Variants in GMDS observed in about 807,000 individuals in gnomAD.
The protein encoded by GMDS is GDP-mannose 4,6 dehydratase.
In GMDS, 20 loss-of-function variants were observed where a neutral mutation model predicts 49.9. The ratio of observed to expected loss-of-function variants is 0.40; its 90% CI spans 0.28 to 0.58. GMDS has a LOEUF of 0.58. Ranked by LOEUF, GMDS falls within the 20% of genes least tolerant of loss-of-function variation. The pLI is 0.42. For missense variants in GMDS, 362 were observed against 481.4 expected (o/e 0.75, Z 2.32); for synonymous variants, 177 against 178.6 (o/e 0.99, Z 0.07).
intron 9 of GMDS, among the ~76,000 whole-genome samples, chr6:1,688,814 A>T (rs181692522): frequency 6.6e-6 from 1 of 152,334 alleles, no homozygotes; most frequent in Non-Finnish European, 1.5e-5. Flanking sequence ...AATTGACAGC[A>T]TCTGTTTGAG....
At chr6:1,995,586 A>T (rs1302130338) in intron 4 of GMDS, among the ~76,000 whole-genome samples, 1 of 152,206 alleles carries the variant, frequency 6.6e-6, no homozygotes, top group African/African-American at 2.4e-5. Flanking sequence ...TCCTGCACTT[A>T]GGGAGATAAA....
At chr6:1,745,784 G>A (rs1031241091) in intron 7 of GMDS, among the ~76,000 whole-genome samples, 3 of 152,220 alleles carry the variant, frequency 2.0e-5, no homozygotes, top group Admixed American at 6.5e-5. Context: ...TTTCAACAGA[G>A]GGATAGGGCT....
At chr6:1,961,352 A>G (rs1394663089) in intron 4 of GMDS, among the ~76,000 whole-genome samples, 1 of 152,174 alleles carries the variant, frequency 6.6e-6, no homozygotes, top group African/African-American at 2.4e-5. Context: ...ATTTTTAATG[A>G]GCCCCAGTTG....
intron 7 of GMDS, among the ~76,000 whole-genome samples, chr6:1,850,173 A>T (rs1757595889): frequency 6.6e-6 from 1 of 152,092 alleles, no homozygotes; most frequent in Non-Finnish European, 1.5e-5. Context: ...AGATGGCCAA[A>T]CTCCTGAACA....
At chr6:1,655,958 C>T (rs1230626227) in intron 9 of GMDS, among the ~76,000 whole-genome samples, 5 of 152,164 alleles carry the variant, frequency 3.3e-5, no homozygotes, top group Non-Finnish European at 5.9e-5. Flanking sequence ...TGTGATGTCA[C>T]GCACACCCCA....
intron 4 of GMDS, among the ~76,000 whole-genome samples, chr6:2,056,104 T>TCTA (rs1460329047): frequency 6.6e-6 from 1 of 152,152 alleles, no homozygotes; most frequent in Admixed American, 6.5e-5. Flanking sequence ...ACCAAAACAT[T>TCTA]CTACTGCTTG....
chr6:2,106,154 C>T (rs749041389), intron 4 of GMDS, among the ~76,000 whole-genome samples: 75 of 152,266 alleles, frequency 4.9e-4, no homozygotes, highest in Middle Eastern at 3.4e-3. Flanking sequence ...CACTCATCTT[C>T]GATCTTAGAC....
chr6:2,147,632 T>G (rs1478964523), intron 1 of GMDS, among the ~76,000 whole-genome samples: 1 of 151,562 alleles, frequency 6.6e-6, no homozygotes, highest in East Asian at 1.9e-4. Flanking sequence ...ATTTATCAAT[T>G]TATCCCTCCC....
intron 1 of GMDS, among the ~76,000 whole-genome samples, chr6:2,158,785 T>C (rs1464707237): frequency 6.6e-6 from 1 of 152,258 alleles, no homozygotes; most frequent in African/African-American, 2.4e-5. Context: ...ATGGATGCGC[T>C]GACTATGGCC....
intron 4 of GMDS, among the ~76,000 whole-genome samples, chr6:2,047,006 G>T (rs906797036): frequency 6.6e-6 from 1 of 152,112 alleles, no homozygotes; most frequent in Admixed American, 6.5e-5. Context: ...TCATGAATTT[G>T]TGCAGCACAG....
intron 4 of GMDS, among the ~76,000 whole-genome samples, chr6:2,113,389 A>G (rs753505191): frequency 2.6e-5 from 4 of 151,824 alleles, no homozygotes; most frequent in Non-Finnish European, 5.9e-5. Flanking sequence ...ATCACTGAAT[A>G]TATCTTCCCC....
intron 4 of GMDS, among the ~76,000 whole-genome samples, chr6:2,044,733 T>A (rs1769898083): frequency 6.6e-6 from 1 of 152,214 alleles, no homozygotes; most frequent in African/African-American, 2.4e-5. Context: ...AAAATGTTTT[T>A]AAGTACAGCA....
At chr6:1,688,160 C>T (rs1016395843) in intron 9 of GMDS, among the ~76,000 whole-genome samples, 1 of 152,048 alleles carries the variant, frequency 6.6e-6, no homozygotes, top group African/African-American at 2.4e-5. Flanking sequence ...GTGAACCGTT[C>T]GCTGATGGAT....
chr6:1,667,858 A>C (rs1222048838), intron 9 of GMDS, among the ~76,000 whole-genome samples: 2 of 151,990 alleles, frequency 1.3e-5, no homozygotes, highest in African/African-American at 4.8e-5. Context: ...TGGACATTTT[A>C]AGAGGAATTG....
chr6:1,816,372 C>G (rs1337276406), intron 7 of GMDS, among the ~76,000 whole-genome samples: 1 of 152,130 alleles, frequency 6.6e-6, no homozygotes, highest in Non-Finnish European at 1.5e-5. Context: ...AGTCTTAAAT[C>G]ACATAAAACG....
At chr6:1,924,409 T>C (rs1489521764) in intron 7 of GMDS, among the ~76,000 whole-genome samples, 1 of 152,174 alleles carries the variant, frequency 6.6e-6, no homozygotes, top group Non-Finnish European at 1.5e-5. Context: ...CTTGCCACTT[T>C]ATACATGGCT....
At chr6:1,975,458 C>T (rs1214594484) in intron 4 of GMDS, among the ~76,000 whole-genome samples, 1 of 152,286 alleles carries the variant, frequency 6.6e-6, no homozygotes, top group East Asian at 1.9e-4. Flanking sequence ...CCACTATAAT[C>T]AGGAAACTTC....
At chr6:2,079,019 CT>C (rs386405902) in intron 4 of GMDS, among the ~76,000 whole-genome samples, 1,722 of 33,902 alleles carry the variant, frequency 0.051, 34 homozygotes, top group African/African-American at 0.1. Context: ...ATGACCTTGT[CT>C]TTTTTTTTTT....
intron 1 of GMDS, among the ~76,000 whole-genome samples, chr6:2,167,997 C>A (rs1369860358): frequency 6.6e-6 from 1 of 152,192 alleles, no homozygotes; most frequent in Non-Finnish European, 1.5e-5. Context: ...TTATGTCCTA[C>A]CAATTTTAAA....
Sources: allele counts gnomAD v4.1 joint callset (sites outside exome capture counted in the v4.1 genomes callset), GRCh38; gene constraint gnomAD v4.1.1; transcripts MANE v1.5; gene names NCBI Gene and HGNC (gene_info 2026-07-23, HGNC 2026-07-21).